Variants in PDE3B observed in about 807,000 individuals in gnomAD.
PDE3B encodes phosphodiesterase 3B, also known as cGMP-inhibited 3',5'-cyclic phosphodiesterase 3B.
PDE3B carries 66 observed loss-of-function variants against 116.8 expected under a neutral mutation model. The observed-to-expected ratio is 0.56, with a 90% CI of 0.46 to 0.69. PDE3B has a LOEUF of 0.69. Among genes scored for constraint, PDE3B ranks in the 30% least tolerant of loss-of-function variants. The probability of loss-of-function intolerance (pLI) is 0.00; values close to 1 mark genes in which losing one functional copy is unlikely to be tolerated. For synonymous variants in PDE3B, 595 were observed against 533.6 expected, an observed-to-expected ratio of 1.12 and a Z score of -1.59; for missense variants, 1,384 against 1,368.1, an observed-to-expected ratio of 1.01 and a Z score of -0.18.
chr11:14,754,888 C>G (rs1467735784), intron 1 of PDE3B, among the ~76,000 whole-genome samples: 2 of 152,044 alleles, frequency 1.3e-5, no homozygotes, highest in Non-Finnish European at 2.9e-5. Context: ...TCTTTCATGC[C>G]CTCTTCAAAC....
chr11:14,708,003 T>C (rs1400786573), intron 1 of PDE3B, among the ~76,000 whole-genome samples: 3 of 152,072 alleles, frequency 2.0e-5, no homozygotes, highest in Non-Finnish European at 2.9e-5. Context: ...TTTAGCCTTC[T>C]TCTTGGTTGC....
intron 2 of PDE3B, among the ~76,000 whole-genome samples, chr11:14,785,540 G>A (rs1858161887): frequency 6.6e-6 from 1 of 151,946 alleles, no homozygotes; most frequent in African/African-American, 2.4e-5. Flanking sequence ...CCAAATGTAA[G>A]TTCAAGGTAC....
intron 1 of PDE3B, among the ~76,000 whole-genome samples, chr11:14,651,369 C>T (rs1182746922): frequency 6.6e-6 from 1 of 152,108 alleles, no homozygotes; most frequent in Non-Finnish European, 1.5e-5. Flanking sequence ...ACCTTATTTC[C>T]TAATAAGATT....
At chr11:14,891,781 G>C in the PDE3B span, 1 of 1,397,608 alleles carries the variant, frequency 7.2e-7, no homozygotes, top group East Asian at 2.7e-5. Flanking sequence ...GCAGGGGCGG[G>C]GCTCCCCCTG....
At chr11:14,662,464 C>T (rs1175043422) in intron 1 of PDE3B, among the ~76,000 whole-genome samples, 1 of 152,102 alleles carries the variant, frequency 6.6e-6, no homozygotes, top group Admixed American at 6.5e-5. Context: ...CGGAGAATGA[C>T]TTTGACGAGT....
intron 1 of PDE3B, among the ~76,000 whole-genome samples, chr11:14,725,308 T>C (rs1053764202): frequency 9.1e-6 from 1 of 109,370 alleles, no homozygotes; most frequent in African/African-American, 3.3e-5. Context: ...TTTCTTTCTT[T>C]CTCTTTCTTT....
intron 1 of PDE3B, among the ~76,000 whole-genome samples, chr11:14,662,028 C>A (rs1384972533): frequency 6.6e-6 from 1 of 152,156 alleles, no homozygotes; most frequent in African/African-American, 2.4e-5. Flanking sequence ...GACCCCTGAC[C>A]CCCGAGCAGC....
intron 7 of PDE3B, among the ~76,000 whole-genome samples, chr11:14,829,653 A>G (rs1859808166): frequency 6.6e-6 from 1 of 151,996 alleles, no homozygotes; most frequent in South Asian, 2.1e-4. Flanking sequence ...GAACACATGG[A>G]CATAAAGAGG....
At chr11:14,838,195 G>A (rs529710297) in intron 11 of PDE3B, among the ~76,000 whole-genome samples, 23 of 152,006 alleles carry the variant, frequency 1.5e-4, no homozygotes, top group African/African-American at 5.3e-4. Context: ...TAGCCAGGAT[G>A]GTCTCGATCT....
chr11:14,751,774 C>A (rs1857061925), intron 1 of PDE3B, among the ~76,000 whole-genome samples: 1 of 152,160 alleles, frequency 6.6e-6, no homozygotes, highest in South Asian at 2.1e-4. Context: ...CCTAGACTTT[C>A]TATCTGAAAG....
intron 1 of PDE3B, among the ~76,000 whole-genome samples, chr11:14,702,476 G>A (rs1436952652): frequency 6.6e-6 from 1 of 151,744 alleles, no homozygotes; most frequent in Non-Finnish European, 1.5e-5. Flanking sequence ...ATTATAATGA[G>A]AGAATAAGGA....
intron 11 of PDE3B, among the ~76,000 whole-genome samples, chr11:14,836,137 C>T (rs890506119): frequency 7.2e-5 from 11 of 152,008 alleles, no homozygotes; most frequent in African/African-American, 2.7e-4. Flanking sequence ...TTTCTAGTGC[C>T]CTTCATTCCT....
the PDE3B span, among the ~76,000 whole-genome samples, chr11:14,884,007 C>T: frequency 3.9e-5 from 6 of 152,030 alleles, no homozygotes; most frequent in Non-Finnish European, 5.9e-5. Context: ...GTTAGAATGG[C>T]AATCATTAAA....
chr11:14,861,278 T>C lies in PDE3B; in HGVS notation c.2798T>C (p.Ile933Thr). The change falls in exon 14 of 16, where the codon ATC becomes ACC. Residue 933 changes from isoleucine (I) to threonine (T), a missense_variant. By Grantham distance (89) the Ile-to-Thr change is moderately conservative. Around this residue, in one of 2 missense-constraint regions of PDE3B, gnomAD observed 428 missense variants for 561.4 expected, o/e 0.76. Coordinates refer to ENST00000282096, the MANE Select transcript of PDE3B (RefSeq NM_000922.4). ...CGCCTCTTGGTATGCCAGGTGTGCA[T>C]CAAACTGGCAGATATAAATGGCCCA... ...NDRLLVCQVCIKLADINGPAK... is the reference protein window; with the variant it reads ...NDRLLVCQVCTKLADINGPAK... 1 of 1,612,368 alleles carries C rather than the reference T, an allele frequency of 6.2e-7. No homozygotes were observed. The highest frequency in any genetic ancestry group is 8.5e-7 in the Non-Finnish European group (1 of 1,178,438).
chr11:14,894,458 G>C, the PDE3B span, among the ~76,000 whole-genome samples: 3 of 152,154 alleles, frequency 2.0e-5, no homozygotes, highest in East Asian at 1.9e-4. Flanking sequence ...ATACAGTACA[G>C]GTACTTGGTT....
intron 4 of PDE3B, among the ~76,000 whole-genome samples, chr11:14,798,941 TTCTGA>T (rs1858654377): frequency 6.6e-6 from 1 of 152,118 alleles, no homozygotes; most frequent in South Asian, 2.1e-4. Context: ...TTCAGTTCTG[TTCTGA>T]TCTTAGTTAT....
the PDE3B span, among the ~76,000 whole-genome samples, chr11:14,898,215 G>A: frequency 1.2e-4 from 19 of 152,180 alleles, no homozygotes; most frequent in African/African-American, 4.1e-4. Flanking sequence ...GGAAGCTTTT[G>A]TCTACGGAAA....
At chr11:14,847,715 A>C (rs1045340237) in intron 12 of PDE3B, among the ~76,000 whole-genome samples, 15 of 152,304 alleles carry the variant, frequency 9.8e-5, no homozygotes, top group African/African-American at 3.4e-4. Flanking sequence ...AACAGCTCTA[A>C]GCAAATAAAC....
chr11:14,835,069 A>G lies in PDE3B; in HGVS notation c.2294A>G (p.Asn765Ser). The change falls in exon 11 of 16, where the codon AAT becomes AGT. Residue 765 changes from asparagine to serine, a missense_variant. By Grantham distance (46) the Asn-to-Ser change is conservative. Transcript: ENST00000282096. ...RPVPGLQQIHNGCGTGNETDS... is the reference protein window; with the variant it reads ...RPVPGLQQIHSGCGTGNETDS... Reference sequence around the variant, plus strand: ...GTTCCTGGCTTACAGCAGATCCACAATGGTTGTGGAACAGGAAATGAAACA... The same window carrying G: ...GTTCCTGGCTTACAGCAGATCCACAGTGGTTGTGGAACAGGAAATGAAACA... The G allele has an allele frequency of 6.2e-7, 1 of 1,611,244 alleles. No homozygotes were observed. Among genetic ancestry groups the G allele is most frequent in the Non-Finnish European group, 8.5e-7 (1 of 1,177,978 alleles).
Sources: gnomAD v4.1 joint callset for allele counts (sites outside exome capture counted in the v4.1 genomes callset) on GRCh38, gnomAD v4.1.1 for gene constraint, gnomAD v4.1.1 regional missense constraint, MANE v1.5 for transcripts, NCBI Gene and HGNC (gene_info 2026-07-23, HGNC 2026-07-21) for gene names.